Variants in TANC2 observed in about 807,000 individuals in gnomAD.
TANC2 encodes the protein protein TANC2.
Under a neutral mutation model 210.5 loss-of-function variants are expected in TANC2, and 26 were observed. The ratio of observed to expected loss-of-function variants is 0.12; its 90% confidence interval spans 0.09 to 0.17. The LOEUF (loss-of-function observed/expected upper bound fraction) is 0.17. Among genes scored for constraint, TANC2 ranks in the 10% least tolerant of loss-of-function variants. The pLI, the probability that TANC2 is intolerant of heterozygous loss-of-function variation, is 1.00. For missense variants in TANC2, 2,129 were observed against 2,608.9 expected, an observed-to-expected ratio of 0.82 and a Z score of 4.01; for synonymous variants, 931 against 967.1, an observed-to-expected ratio of 0.96 and a Z score of 0.69.
At position 63,418,273 on chromosome 17, in the gene TANC2, CA is replaced by C. The variant is rs771605729; in HGVS notation, c.4168-32del. ...AAGTTGTCTATTTTTTATATCTCAT[CA>C]ATGACTCATTTGCACACCTATTGTA... On this transcript the variant is annotated intron_variant, in intron 26 of 27. Coordinates refer to ENST00000689528, the Ensembl canonical transcript of TANC2. The surrounding 1 kb of genome is among the most constrained non-coding windows in gnomAD (Gnocchi z 4.6). 6.3e-7 allele frequency: 1 copy of C among 1,576,250 alleles called. No homozygotes were observed. Among genetic ancestry groups the C allele is most frequent in the South Asian group, 1.1e-5 (1 of 87,308 alleles).
chr17:63,031,693 A>G (rs2034776098), intron 2 of TANC2, among the ~76,000 whole-genome samples: 1 of 152,126 alleles, frequency 6.6e-6, no homozygotes, highest in Admixed American at 6.6e-5. Flanking sequence ...GTGAGCACTT[A>G]ATGTGGACCA....
At chr17:63,174,307 A>G (rs538812344) in intron 5 of TANC2, among the ~76,000 whole-genome samples, 1 of 152,282 alleles carries the variant, frequency 6.6e-6, no homozygotes, top group Admixed American at 6.5e-5. Flanking sequence ...TTACAGCCTT[A>G]TACTACCTCC....
chr17:63,191,745 G>T (rs914706373), intron 5 of TANC2, among the ~76,000 whole-genome samples: 1 of 152,120 alleles, frequency 6.6e-6, no homozygotes, highest in Non-Finnish European at 1.5e-5. Context: ...TTTCAAGCAT[G>T]AGCCACCGCG....
rs530336108 is a variant in TANC2 at position 63,389,165 on chromosome 17, A to G, written c.2815-143A>G. On this transcript the variant is annotated intron_variant, in intron 16 of 27. Coordinates refer to ENST00000689528, the Ensembl canonical transcript of TANC2. ...ACATTATCTACCAAAGGAAAAGAAA[A>G]AGGAGCAAATGAGATTATAAAATAA... The G allele has an allele frequency of 1.5e-4, 104 of 691,280 alleles. No homozygotes were observed. The South Asian group carries it at 1.6e-3, about 11-fold the overall frequency. 42.8% of individuals were successfully genotyped at this position (691,280 alleles called of 1,614,324 possible).
intron 1 of TANC2, among the ~76,000 whole-genome samples, chr17:63,000,059 A>T (rs1450351097): frequency 6.6e-6 from 1 of 152,198 alleles, no homozygotes; most frequent in Non-Finnish European, 1.5e-5. Flanking sequence ...GAAAGGAAGA[A>T]CACACACCAG....
At chr17:63,205,014 G>C (rs1373682991) in intron 7 of TANC2, among the ~76,000 whole-genome samples, 1 of 152,122 alleles carries the variant, frequency 6.6e-6, no homozygotes, top group Non-Finnish European at 1.5e-5. Flanking sequence ...GAACCTGGGA[G>C]GCAGAGGTTG....
chr17:63,063,401 C>T (rs2036065610), intron 2 of TANC2, among the ~76,000 whole-genome samples: 1 of 152,082 alleles, frequency 6.6e-6, no homozygotes, highest in Non-Finnish European at 1.5e-5. Context: ...CTAATCATGG[C>T]TTGGTCTTTC....
rs142401592 is a variant in TANC2 at position 63,344,242 on chromosome 17, C to T, written c.1807+3910C>T. ...AATCTGAGGTGGAACAGTTTCATCCCTAAACCATCCTCTCCACCCTCCACC... is the reference window on the plus strand; with the variant it reads ...AATCTGAGGTGGAACAGTTTCATCCTTAAACCATCCTCTCCACCCTCCACC... On this transcript the variant is annotated intron_variant, in intron 12 of 27. Transcript: ENST00000689528. Among the ~76,000 whole-genome samples, 14 of 152,302 alleles carry T rather than the reference C, an allele frequency of 9.2e-5. No individual in the cohort carries two copies. The East Asian group carries it at 1.5e-3, about 17-fold the overall frequency.
chr17:63,417,224 T>TA (rs2048891616), intron 26 of TANC2, among the ~76,000 whole-genome samples: 1 of 152,176 alleles, frequency 6.6e-6, no homozygotes, highest in Admixed American at 6.5e-5. Context: ...CATCAACTTT[T>TA]AAAAAATTTT....
At chr17:63,076,808 G>A (rs1039238985) in intron 3 of TANC2, among the ~76,000 whole-genome samples, 1 of 152,040 alleles carries the variant, frequency 6.6e-6, no homozygotes, top group Non-Finnish European at 1.5e-5. Flanking sequence ...CAAAAGCTTC[G>A]TAGAATTATC....
intron 6 of TANC2, among the ~76,000 whole-genome samples, chr17:63,195,410 A>G (rs934289114): frequency 1.8e-4 from 28 of 152,182 alleles, no homozygotes; most frequent in Admixed American, 1.8e-3. Flanking sequence ...GACTTCCATC[A>G]GACCCACGTT....
intron 2 of TANC2, among the ~76,000 whole-genome samples, chr17:63,011,047 C>T (rs1035609876): frequency 6.6e-6 from 1 of 152,154 alleles, no homozygotes; most frequent in African/African-American, 2.4e-5. Flanking sequence ...AAGGCTGACT[C>T]TCATGGTAGG....
chr17:63,364,449 G>A (rs191563503), intron 14 of TANC2, among the ~76,000 whole-genome samples: 1 of 152,112 alleles, frequency 6.6e-6, no homozygotes, highest in Non-Finnish European at 1.5e-5. Context: ...TACTTATTCT[G>A]TCATAAAAAC....
intron 12 of TANC2, among the ~76,000 whole-genome samples, chr17:63,348,989 C>T (rs2046507190): frequency 6.6e-6 from 1 of 152,050 alleles, no homozygotes; most frequent in South Asian, 2.1e-4. Flanking sequence ...TTGCATTTAT[C>T]GTTCTGAATC....
rs374936624 is a variant in TANC2, at chr17:63,242,763, C to T, written c.1033+4686C>T. Among the ~76,000 whole-genome samples, 24 of 152,134 alleles carry T rather than the reference C, an allele frequency of 1.6e-4. No homozygotes were observed. The South Asian group carries it at 4.8e-3, about 30-fold the overall frequency. ...GCCCATCAACAGGTGAATGGATAAA[C>T]AATTGTGTATCCATACAGTGAAATT... On this transcript the variant is annotated intron_variant, in intron 8 of 27. Coordinates refer to ENST00000689528, the Ensembl canonical transcript of TANC2.
chr17:63,283,732 T>G (rs992699535), intron 9 of TANC2, among the ~76,000 whole-genome samples: 2 of 152,022 alleles, frequency 1.3e-5, no homozygotes, highest in African/African-American at 2.4e-5. Context: ...CAGTATTTCA[T>G]ATTTCTTATG....
intron 1 of TANC2, among the ~76,000 whole-genome samples, chr17:62,980,368 T>C (rs1171746084): frequency 6.6e-6 from 1 of 152,168 alleles, no homozygotes; most frequent in Admixed American, 6.5e-5. Flanking sequence ...AATCTGAAAA[T>C]CCAAAATCTG....
chr17:63,045,995 C>T (rs2035362525), intron 2 of TANC2, among the ~76,000 whole-genome samples: 1 of 151,994 alleles, frequency 6.6e-6, no homozygotes, highest in Admixed American at 6.6e-5. Context: ...CATAATGATT[C>T]TCATTATCCA....
intron 2 of TANC2, among the ~76,000 whole-genome samples, chr17:63,016,487 T>G (rs1396208736): frequency 6.6e-6 from 1 of 152,208 alleles, no homozygotes; most frequent in Non-Finnish European, 1.5e-5. Flanking sequence ...TTGATGGGCA[T>G]TTGGGTTGTT....
Sources: allele counts gnomAD v4.1 joint callset (sites outside exome capture counted in the v4.1 genomes callset), GRCh38; gene constraint gnomAD v4.1.1; non-coding constraint Gnocchi (gnomAD v3.1); transcripts MANE v1.5; gene names NCBI Gene and HGNC (gene_info 2026-07-23, HGNC 2026-07-21).